Variants in ARHGAP32 observed in about 807,000 individuals in gnomAD.
The protein encoded by ARHGAP32 is Rho GTPase activating protein 32, also known as rho GTPase-activating protein 32.
Under a neutral mutation model 186.5 loss-of-function variants are expected in ARHGAP32, and 51 were observed. The ratio of observed to expected loss-of-function variants is 0.27; its 90% CI spans 0.22 to 0.35. The LOEUF (loss-of-function observed/expected upper bound fraction) is 0.35, where lower values mean the gene tolerates loss of function less well. ARHGAP32 is among the 10% of genes least tolerant of loss of function. The pLI is 1.00. For missense variants in ARHGAP32, 2,186 were observed against 2,623.5 expected (o/e 0.83, Z 3.64); for synonymous variants, 950 against 964.3 (o/e 0.99, Z 0.27).
At chr11:129,125,686 T>C (rs974323399) in intron 2 of ARHGAP32, among the ~76,000 whole-genome samples, 4 of 152,018 alleles carry the variant, frequency 2.6e-5, no homozygotes, top group Non-Finnish European at 5.9e-5. Context: ...TTACATACTT[T>C]TTTTTTTAAA....
upstream of ARHGAP32, among the ~76,000 whole-genome samples, chr11:129,193,632 TAA>T (rs1491184540): frequency 8.5e-5 from 7 of 82,630 alleles, no homozygotes; most frequent in South Asian, 5.7e-4. Flanking sequence ...ATAATATATA[TAA>T]TATATGTTAT....
At chr11:128,998,223 G>T in intron 12 of ARHGAP32, 96 bp downstream of exon 12, 2 of 1,030,046 alleles carry the variant, frequency 1.9e-6, no homozygotes, top group Non-Finnish European at 2.7e-6. Flanking sequence ...AATGAAACAG[G>T]TATCATTTGA....
chr11:128,989,135 T>C (rs923231153), intron 12 of ARHGAP32, among the ~76,000 whole-genome samples: 3 of 152,184 alleles, frequency 2.0e-5, no homozygotes. Flanking sequence ...CATTCCTTTA[T>C]TATTATAACC....
At chr11:129,145,784 T>A (rs1254195903) in intron 2 of ARHGAP32, among the ~76,000 whole-genome samples, 1 of 152,042 alleles carries the variant, frequency 6.6e-6, no homozygotes, top group East Asian at 1.9e-4. Context: ...ACTATCAGAG[T>A]TCTCAGTAAC....
At chr11:129,087,394 C>T (rs536689854) in intron 6 of ARHGAP32, among the ~76,000 whole-genome samples, 4 of 152,172 alleles carry the variant, frequency 2.6e-5, no homozygotes, top group Non-Finnish European at 4.4e-5. Context: ...AACCAGACAA[C>T]GAATATTTTT....
intron 1 of ARHGAP32, among the ~76,000 whole-genome samples, chr11:129,261,219 T>G (rs1426141751): frequency 6.6e-6 from 1 of 151,952 alleles, no homozygotes; most frequent in African/African-American, 2.4e-5. Flanking sequence ...GTGGCTCGGA[T>G]TAGGTTAAAT....
intron 2 of ARHGAP32, among the ~76,000 whole-genome samples, chr11:129,140,405 G>A (rs1186024440): frequency 6.6e-6 from 1 of 151,996 alleles, no homozygotes; most frequent in East Asian, 1.9e-4. Context: ...ATAATAAATG[G>A]GTATTCTTTT....
Position 128,968,674 on chromosome 11 carries a change from T to A in ARHGAP32, c.*233A>T, listed in dbSNP as rs1207113214. ...TCTCTACTGGGTTTCAGCACGGGGC[T>A]TTACCATCCTTCAGATCTTTTCTAA... On this transcript the variant is annotated 3_prime_UTR_variant, in exon 23 of 23. Transcript: ENST00000682385. The A allele has an allele frequency of 2.8e-6, 1 of 363,152 alleles. No homozygotes were observed. Among genetic ancestry groups the A allele is most frequent in the Non-Finnish European group, 4.8e-6 (1 of 208,394 alleles). The allele number at this position is 363,152 out of a possible 1,614,324, so 22.5% of individuals were successfully genotyped here.
intron 11 of ARHGAP32, among the ~76,000 whole-genome samples, chr11:129,026,122 T>G (rs1045914898): frequency 6.6e-6 from 1 of 152,018 alleles, no homozygotes; most frequent in African/African-American, 2.4e-5. Context: ...GCTGGTGAAT[T>G]TGGAGTAAGG....
At chr11:129,266,504 G>A (rs577696207) in intron 1 of ARHGAP32, among the ~76,000 whole-genome samples, 1 of 152,284 alleles carries the variant, frequency 6.6e-6, no homozygotes, top group South Asian at 2.1e-4. Flanking sequence ...TGGGAACTAA[G>A]GGAATCAGTA....
chr11:129,084,189 G>A (rs1279019271), intron 6 of ARHGAP32, among the ~76,000 whole-genome samples: 1 of 152,042 alleles, frequency 6.6e-6, no homozygotes, highest in Non-Finnish European at 1.5e-5. Context: ...AAGCCCAGAT[G>A]TATTCACTGG....
At chr11:129,174,962 G>C (rs1251789937) in intron 1 of ARHGAP32, among the ~76,000 whole-genome samples, 1 of 145,236 alleles carries the variant, frequency 6.9e-6, no homozygotes, top group African/African-American at 2.6e-5. Context: ...GACGAGCTCA[G>C]AGAAGAAGGC....
Position 128,974,917 on chromosome 11 carries a change from G to C in ARHGAP32, c.2280C>G (p.Asn760Lys), listed in dbSNP as rs375203716. The C allele has an allele frequency of 6.2e-7, 1 of 1,614,022 alleles. No homozygotes were observed. The highest frequency in any genetic ancestry group is 1.3e-5 in the African/African-American group (1 of 74,914). ...GCAGATTATCATAGGAGTTACAGCG[G>C]TTCCCCAGCATTTCTCCATTAAAAG... The part of the protein sequence containing the change: ...SASFNGEMLG[N>K]RCNSYDNLPH... Residue 760 changes from asparagine to lysine, a missense_variant, in exon 21 of 23, where the codon AAC becomes AAG. Physicochemically the swap from Asn to Lys is moderately conservative, Grantham distance 94. This residue lies in a region of ARHGAP32 where 263 missense variants were observed against 323.5 expected (regional missense o/e 0.81). Coordinates refer to ENST00000682385, the MANE Select transcript of ARHGAP32 (RefSeq NM_001378024.1).
At chr11:129,032,266 C>A (rs1939146637) in intron 11 of ARHGAP32, among the ~76,000 whole-genome samples, 1 of 152,236 alleles carries the variant, frequency 6.6e-6, no homozygotes, top group Non-Finnish European at 1.5e-5. Context: ...CTGCCATGGG[C>A]CTGCACAGAG....
intron 6 of ARHGAP32, among the ~76,000 whole-genome samples, chr11:129,081,565 T>G (rs1941219974): frequency 6.6e-6 from 1 of 152,088 alleles, no homozygotes; most frequent in Admixed American, 6.6e-5. Flanking sequence ...CATTGCTTTA[T>G]GATTAAAACC....
rs1945281295 is a variant in ARHGAP32, at chr11:128,969,016, C to T, written c.6197G>A (p.Gly2066Asp). The change falls in exon 23 of 23, where the codon GGC (glycine) becomes GAC (aspartate). Residue 2066 changes from glycine (G) to aspartate (D), a missense_variant. Transcript: ENST00000682385. The surrounding 1 kb of genome is among the most constrained non-coding windows in gnomAD (Gnocchi z 4.8). The stretch of plus-strand genomic sequence containing the variant: ...GGTCCTGCTCTGTGGATGGGGAAAG[C>T]CAGGGGGCACATACGTCCCCATGCC... Reference protein sequence around the residue: ...GGGMGTYVPPGFPHPQSRTYA... With the variant: ...GGGMGTYVPPDFPHPQSRTYA... 6.2e-7 allele frequency: 1 copy of T among 1,611,008 alleles called. No homozygotes were observed. Among genetic ancestry groups the T allele is most frequent in the African/African-American group, 1.3e-5 (1 of 74,988 alleles).
At chr11:129,240,774 A>G (rs990956359) in intron 1 of ARHGAP32, among the ~76,000 whole-genome samples, 3 of 152,232 alleles carry the variant, frequency 2.0e-5, no homozygotes, top group Non-Finnish European at 4.4e-5. Flanking sequence ...TCATTATATC[A>G]TAAGAAACCA....
chr11:129,002,894 C>T (rs112082025), intron 11 of ARHGAP32, among the ~76,000 whole-genome samples: 4 of 149,026 alleles, frequency 2.7e-5, no homozygotes, highest in Admixed American at 1.3e-4. Context: ...CTGCAAGCTC[C>T]GCCTCCCGGG....
intron 2 of ARHGAP32, among the ~76,000 whole-genome samples, chr11:129,145,145 C>T (rs913574414): frequency 7.9e-5 from 12 of 152,004 alleles, no homozygotes; most frequent in African/African-American, 2.7e-4. Flanking sequence ...TTTTACCAGA[C>T]ATTTTATACA....
Sources: allele counts gnomAD v4.1 joint callset (sites outside exome capture counted in the v4.1 genomes callset), GRCh38; gene constraint gnomAD v4.1.1; regional missense constraint gnomAD v4.1.1; non-coding constraint Gnocchi (gnomAD v3.1); transcripts MANE v1.5; gene names NCBI Gene and HGNC (gene_info 2026-07-23, HGNC 2026-07-21).